Variants in EPSTI1 observed in about 807,000 individuals in gnomAD.
The protein encoded by EPSTI1 is epithelial stromal interaction 1.
A neutral mutation model predicts 49.9 loss-of-function variants in EPSTI1; 66 were observed. That is an observed-to-expected ratio of 1.32 (90% CI 1.08 to 1.62). The LOEUF (loss-of-function observed/expected upper bound fraction) is 1.62. EPSTI1 is among the 40% of genes most tolerant of loss of function. EPSTI1 has a pLI of 0.00. For missense variants in EPSTI1, 394 were observed against 365.5 expected (o/e 1.08, Z -0.64); for synonymous variants, 137 against 130.7 (o/e 1.05, Z -0.33).
chr13:42,990,269 G>A (rs1023357276), intron 1 of EPSTI1, among the ~76,000 whole-genome samples: 2 of 151,432 alleles, frequency 1.3e-5, no homozygotes, highest in East Asian at 1.9e-4. Context: ...TTCAGGAATC[G>A]CAAAATAGTG....
chr13:42,916,559 T>C (rs1357264340), intron 8 of EPSTI1, among the ~76,000 whole-genome samples: 1 of 152,182 alleles, frequency 6.6e-6, no homozygotes, highest in Non-Finnish European at 1.5e-5. Context: ...TTACACACAA[T>C]TGTTGTAATA....
rs150056552 is a variant in EPSTI1 at position 42,955,473 on chromosome 13, A to C, written c.490-1452T>G. ...TTTTCACTAATAGATTCCAACTCAC[A>C]AACAGTCATACAGTAGCTAAATTTT... On this transcript the variant is annotated intron_variant, in intron 5 of 10. Coordinates refer to ENST00000313624, the MANE Select transcript of EPSTI1 (RefSeq NM_033255.5). Among the ~76,000 whole-genome samples, 140 of 152,294 alleles carry C rather than the reference A, an allele frequency of 9.2e-4. 1 individual carries two copies. In the Middle Eastern group the frequency reaches 0.034, roughly 37 times the overall value.
intron 7 of EPSTI1, chr13:42,919,269 TCA>T: frequency 6.2e-7 from 1 of 1,611,350 alleles, no homozygotes; most frequent in Non-Finnish European, 8.5e-7. Flanking sequence ...TATGAAAAGT[TCA>T]GTTACTTGCA....
chr13:42,909,050 G>A (rs2037586977), intron 8 of EPSTI1, among the ~76,000 whole-genome samples: 1 of 151,958 alleles, frequency 6.6e-6, no homozygotes, highest in Admixed American at 6.6e-5. Flanking sequence ...CCAAGATCAT[G>A]CCATTGCACT....
chr13:42,946,110 T>C (rs1351912871), intron 6 of EPSTI1, among the ~76,000 whole-genome samples: 1 of 152,196 alleles, frequency 6.6e-6, no homozygotes, highest in Non-Finnish European at 1.5e-5. Context: ...ATTAGAAGTT[T>C]TGTGAGCATA....
intron 1 of EPSTI1, among the ~76,000 whole-genome samples, chr13:42,984,285 G>A (rs2040039867): frequency 6.6e-6 from 1 of 152,168 alleles, no homozygotes; most frequent in African/African-American, 2.4e-5. Context: ...CTAGACTGAT[G>A]CATTCAGGCC....
intron 9 of EPSTI1, among the ~76,000 whole-genome samples, chr13:42,896,085 T>C (rs940159684): frequency 1.3e-5 from 2 of 151,872 alleles, no homozygotes; most frequent in Non-Finnish European, 2.9e-5. Context: ...CTGGAGGGGG[T>C]TTCTGGCTGT....
chr13:42,987,109 GGGGAA>G (rs1295702122), intron 1 of EPSTI1, among the ~76,000 whole-genome samples: 1 of 152,144 alleles, frequency 6.6e-6, no homozygotes, highest in Non-Finnish European at 1.5e-5. Context: ...TATCAAAACT[GGGGAA>G]GGGGAGATGC....
At chr13:42,947,896 T>C (rs2038966770) in intron 6 of EPSTI1, among the ~76,000 whole-genome samples, 1 of 152,236 alleles carries the variant, frequency 6.6e-6, no homozygotes, top group Non-Finnish European at 1.5e-5. Flanking sequence ...GCTCACCTTC[T>C]GGACCGTTAA....
intron 1 of EPSTI1, among the ~76,000 whole-genome samples, chr13:42,974,336 CAAAAAAAAAGAAAAAGA>C (rs2039832185): frequency 1.4e-5 from 2 of 146,860 alleles, no homozygotes; most frequent in Non-Finnish European, 3.0e-5. Context: ...AACTCTGTCT[CAAAAAAAAAGAAAAAGA>C]AAAAGAAAAG....
rs892458954 is a variant in EPSTI1 at position 42,978,026 on chromosome 13, G to A, written c.189-7356C>T. Among the ~76,000 whole-genome samples the A allele has an allele frequency of 5.3e-5, 8 of 151,982 alleles. No individual in the cohort carries two copies. The South Asian group carries it at 1.2e-3, about 24-fold the overall frequency. ...AAATTAGCTGGGTGTAGTGGCGGGCGCCTGTAGTCCCAGCTACTTGGGAGG... is the reference window on the plus strand; with the variant it reads ...AAATTAGCTGGGTGTAGTGGCGGGCACCTGTAGTCCCAGCTACTTGGGAGG... On this transcript the variant is annotated intron_variant, in intron 1 of 10. Transcript: ENST00000313624.
intron 1 of EPSTI1, among the ~76,000 whole-genome samples, chr13:42,971,443 TGTGTGGGG>T (rs1339154316): frequency 2.0e-5 from 3 of 152,312 alleles, no homozygotes; most frequent in African/African-American, 7.2e-5. Context: ...CCTGTGAGTC[TGTGTGGGG>T]GTGGCTCTTT....
rs71970864 is a variant in EPSTI1 at position 42,968,921 on chromosome 13, T to TACAC, written c.331+169_331+172dup. 6.1e-3 allele frequency among the ~76,000 whole-genome samples: 723 copies of TACAC among 117,628 alleles called. 11 individuals are homozygous for TACAC. The highest frequency in any genetic ancestry group is 0.023 in the African/African-American group (650 of 28,598). The allele number at this position is 117,628 out of a possible 152,430, so 77.2% of individuals were successfully genotyped here. ...GCAGAAAATCAGAAAAAAAAAAAAA[T>TACAC]ACACACACACACACACACACACACA... On this transcript the variant is annotated intron_variant, in intron 3 of 10. Transcript: ENST00000313624.
At chr13:42,950,670 T>A (rs1285396704) in intron 6 of EPSTI1, among the ~76,000 whole-genome samples, 1 of 152,216 alleles carries the variant, frequency 6.6e-6, no homozygotes, top group Non-Finnish European at 1.5e-5. Context: ...AGAAAAAAAA[T>A]ACCATTCCTG....
intron 2 of EPSTI1, 193 bp downstream of exon 2, chr13:42,970,419 C>T (rs1040536752): frequency 4.3e-5 from 20 of 468,214 alleles, no homozygotes; most frequent in African/African-American, 1.0e-4. Context: ...CTGTTACTAA[C>T]GTAGAGAAAC....
At chr13:42,918,352 C>A (rs1402144633) in intron 7 of EPSTI1, among the ~76,000 whole-genome samples, 1 of 152,162 alleles carries the variant, frequency 6.6e-6, no homozygotes, top group African/African-American at 2.4e-5. Flanking sequence ...GCTTTCTCTC[C>A]TTCACATTGA....
At chr13:42,907,811 T>C (rs958940495) in intron 8 of EPSTI1, among the ~76,000 whole-genome samples, 3 of 152,262 alleles carry the variant, frequency 2.0e-5, no homozygotes, top group Non-Finnish European at 2.9e-5. Flanking sequence ...TACTGAAATA[T>C]TGAGTTTTAG....
chr13:42,892,011 C>A lies in EPSTI1; in HGVS notation c.915+2998G>T, dbSNP rs1252006617. On this transcript the variant is annotated intron_variant, in intron 10 of 10. Coordinates refer to ENST00000313624, the MANE Select transcript of EPSTI1 (RefSeq NM_033255.5). Reference sequence around the variant, plus strand: ...TTTAACTAGGATGCCAAGGTAATCTCACTGAGACCGTGGAATTCAAGAAAG... The same window carrying A: ...TTTAACTAGGATGCCAAGGTAATCTAACTGAGACCGTGGAATTCAAGAAAG... Among the ~76,000 whole-genome samples the A allele has an allele frequency of 3.3e-5, 5 of 152,152 alleles. No individual in the cohort carries two copies. In the South Asian group the frequency reaches 8.3e-4, roughly 25 times the overall value.
chr13:42,970,020 A>G (rs2039728153), intron 2 of EPSTI1: 1 of 152,286 alleles, frequency 6.6e-6, no homozygotes, highest in African/African-American at 2.4e-5. Flanking sequence ...CCGGAGCTAC[A>G]TGTCCGGTGG....
Sources: allele counts gnomAD v4.1 joint callset (sites outside exome capture counted in the v4.1 genomes callset), GRCh38; gene constraint gnomAD v4.1.1; transcripts MANE v1.5; gene names NCBI Gene and HGNC (gene_info 2026-07-23, HGNC 2026-07-21).